Variants in NEK11 observed in about 807,000 individuals in gnomAD.
The protein encoded by NEK11 is NIMA related kinase 11.
Under a neutral mutation model 80.7 loss-of-function variants are expected in NEK11, and 72 were observed. The ratio of observed to expected loss-of-function variants is 0.89; its 90% CI spans 0.74 to 1.08. The LOEUF (loss-of-function observed/expected upper bound fraction) is 1.08. Ranked by LOEUF, NEK11 falls within the 50% of genes least tolerant of loss-of-function variation. The pLI is 0.00. For missense variants in NEK11, 764 were observed against 763.6 expected (o/e 1.00, Z -0.01); for synonymous variants, 251 against 260.7 (o/e 0.96, Z 0.36).
intron 17 of NEK11, among the ~76,000 whole-genome samples, chr3:131,331,607 C>A (rs557228393): frequency 6.6e-6 from 1 of 152,112 alleles, no homozygotes; most frequent in Admixed American, 6.5e-5. Context: ...AGACAGTGGG[C>A]GCAGGACAGT....
chr3:131,236,496 G>A (rs1057482028), intron 15 of NEK11, among the ~76,000 whole-genome samples: 2 of 152,134 alleles, frequency 1.3e-5, no homozygotes, highest in Non-Finnish European at 2.9e-5. Context: ...TTGACTTGCC[G>A]AGAACCTGGG....
chr3:131,250,653 C>T (rs2095683761), intron 16 of NEK11, among the ~76,000 whole-genome samples: 2 of 152,062 alleles, frequency 1.3e-5, no homozygotes, highest in African/African-American at 4.8e-5. Flanking sequence ...AGAAAGGTCA[C>T]TGAACGATAG....
chr3:131,316,138 G>T (rs1328581131), intron 17 of NEK11, among the ~76,000 whole-genome samples: 2 of 151,730 alleles, frequency 1.3e-5, no homozygotes, highest in African/African-American at 2.4e-5. Flanking sequence ...CTAATTTTCT[G>T]AAAAAGGAAA....
intron 5 of NEK11, among the ~76,000 whole-genome samples, chr3:131,123,685 G>GTC (rs1407632971): frequency 4.6e-5 from 7 of 151,902 alleles, no homozygotes; most frequent in African/African-American, 7.2e-5. Context: ...TGCTTGTCTA[G>GTC]TCTAGGTGTC....
At chr3:131,061,135 A>G (rs1302480641) in intron 3 of NEK11, among the ~76,000 whole-genome samples, 1 of 152,194 alleles carries the variant, frequency 6.6e-6, no homozygotes, top group African/African-American at 2.4e-5. Flanking sequence ...TCTACATTTA[A>G]ACAAGATCCT....
At chr3:131,054,186 A>G (rs1470097304) in intron 3 of NEK11, among the ~76,000 whole-genome samples, 2 of 152,194 alleles carry the variant, frequency 1.3e-5, no homozygotes, top group African/African-American at 4.8e-5. Context: ...CCCCATCTCT[A>G]CAAAATATAC....
At chr3:131,185,260 T>C (rs2093552044) in intron 14 of NEK11, among the ~76,000 whole-genome samples, 1 of 152,074 alleles carries the variant, frequency 6.6e-6, no homozygotes, top group African/African-American at 2.4e-5. Context: ...GAGTTAGAAG[T>C]ATAAGAGCTG....
intron 16 of NEK11, among the ~76,000 whole-genome samples, chr3:131,259,976 T>C (rs11921399): frequency 0.012 from 1,823 of 152,252 alleles, 40 homozygotes; most frequent in African/African-American, 0.042. Flanking sequence ...TGATGTCCAC[T>C]ATTGTCACAG....
chr3:131,200,280 G>A (rs1276644541), intron 14 of NEK11, among the ~76,000 whole-genome samples: 1 of 152,132 alleles, frequency 6.6e-6, no homozygotes, highest in Non-Finnish European at 1.5e-5. Context: ...AGTCCACACT[G>A]AGATACCACT....
At chr3:131,278,001 C>G (rs753025631) in intron 17 of NEK11, among the ~76,000 whole-genome samples, 1 of 152,200 alleles carries the variant, frequency 6.6e-6, no homozygotes, top group African/African-American at 2.4e-5. Context: ...AGCCAAGTGT[C>G]TGAAGGTGTT....
In NEK11 at chr3:131,318,739, G is replaced by GTATATATA. The variant is rs35126140; in HGVS notation, c.1719-30806_1719-30799dup. ...TTGTTTAGTATGCGTGTGTACATGT[G>GTATATATA]TATATATATATATATATATTTATAA... is the stretch of plus-strand genomic sequence containing the variant. On this transcript the variant is annotated intron_variant, in intron 17 of 17. Transcript: ENST00000383366. 3.6e-3 allele frequency among the ~76,000 whole-genome samples: 519 copies of GTATATATA among 145,528 alleles called. 6 individuals are homozygous for GTATATATA. The highest frequency in any genetic ancestry group is 3.8e-3 in the Non-Finnish European group (254 of 66,264).
At chr3:131,057,222 A>C (rs1560198793) in intron 3 of NEK11, among the ~76,000 whole-genome samples, 2 of 151,680 alleles carry the variant, frequency 1.3e-5, no homozygotes, top group Middle Eastern at 3.4e-3. Context: ...TGAACTCATC[A>C]TTTTTTATGG....
intron 16 of NEK11, among the ~76,000 whole-genome samples, chr3:131,270,428 C>G (rs372888741): frequency 6.6e-6 from 1 of 152,162 alleles, no homozygotes; most frequent in Admixed American, 6.5e-5. Context: ...AACAAGATCC[C>G]TGGATGATTT....
chr3:131,335,511 A>C (rs1487135555), intron 17 of NEK11, among the ~76,000 whole-genome samples: 1 of 152,364 alleles, frequency 6.6e-6, no homozygotes, highest in Middle Eastern at 3.4e-3. Context: ...AGCCAATATC[A>C]TACTGAATGG....
intron 17 of NEK11, among the ~76,000 whole-genome samples, chr3:131,315,122 G>A (rs1473343816): frequency 6.6e-6 from 1 of 152,086 alleles, no homozygotes; most frequent in Non-Finnish European, 1.5e-5. Context: ...TTCTTTGTGT[G>A]TATGTAATAA....
rs780239279 is a variant in NEK11, at chr3:131,036,194, T to G, written c.170+6316T>G. On this transcript the variant is annotated intron_variant, in intron 3 of 17. Coordinates refer to ENST00000383366, the MANE Select transcript of NEK11 (RefSeq NM_024800.5). ...TGAACCCTTTCTGTGCATTTGGAAT[T>G]TTGTATCATGTGCAAGACTGAAACA... Among the ~76,000 whole-genome samples the G allele has an allele frequency of 7.2e-4, 110 of 152,224 alleles. 2 individuals are homozygous for G. The highest frequency in any genetic ancestry group is 2.8e-4 in the Non-Finnish European group (19 of 68,040).
intron 7 of NEK11, among the ~76,000 whole-genome samples, chr3:131,149,822 A>G (rs1369686642): frequency 6.6e-6 from 1 of 151,416 alleles, no homozygotes; most frequent in Non-Finnish European, 1.5e-5. Flanking sequence ...TTTTGTTTCT[A>G]TTGTTTATTT....
rs138616018 is a variant in NEK11, at chr3:131,123,328, G to A, written c.456-9417G>A. ...ATTACAGGCATACGCCACCATGCCC[G>A]TCTAATTTTTGTATTTTTAGTAGAG... On this transcript the variant is annotated intron_variant, in intron 5 of 17. Coordinates refer to ENST00000383366, the MANE Select transcript of NEK11 (RefSeq NM_024800.5). Among the ~76,000 whole-genome samples, 1,268 of 152,160 alleles carry A rather than the reference G, an allele frequency of 8.3e-3. 22 individuals are homozygous for A. The highest frequency in any genetic ancestry group is 0.028 in the African/African-American group (1,172 of 41,514).
intron 14 of NEK11, among the ~76,000 whole-genome samples, chr3:131,190,997 A>T (rs1417004310): frequency 6.6e-6 from 1 of 152,220 alleles, no homozygotes. Context: ...AATAAAAGAT[A>T]CAATGACTGC....
Sources: allele counts gnomAD v4.1 joint callset (sites outside exome capture counted in the v4.1 genomes callset), GRCh38; gene constraint gnomAD v4.1.1; transcripts MANE v1.5; gene names NCBI Gene and HGNC (gene_info 2026-07-23, HGNC 2026-07-21).